PTPRG: variants seen among roughly 807,000 people sequenced by gnomAD.
PTPRG encodes protein tyrosine phosphatase receptor type G.
A neutral mutation model predicts 165.3 loss-of-function variants in PTPRG; 102 were observed. That is an observed-to-expected ratio of 0.62 (90% CI 0.53 to 0.73). PTPRG has a LOEUF of 0.73. Among genes scored for constraint, PTPRG ranks in the 30% least tolerant of loss-of-function variants. The pLI is 0.00. For synonymous variants in PTPRG, 675 were observed against 669.5 expected, an observed-to-expected ratio of 1.01 and a Z score of -0.13; for missense variants, 1,866 against 1,861.4, an observed-to-expected ratio of 1.00 and a Z score of -0.05.
At chr3:61,681,966 A>G (rs969131331) in intron 1 of PTPRG, among the ~76,000 whole-genome samples, 1 of 152,174 alleles carries the variant, frequency 6.6e-6, no homozygotes, top group Middle Eastern at 3.4e-3. Flanking sequence ...CCTGGCCAAC[A>G]TAGTGAAAAC....
intron 1 of PTPRG, among the ~76,000 whole-genome samples, chr3:61,721,179 C>G (rs2032028849): frequency 6.6e-6 from 1 of 152,208 alleles, no homozygotes; most frequent in Non-Finnish European, 1.5e-5. Flanking sequence ...TCACTGGCCA[C>G]TCTCTGGTAC....
At chr3:61,880,328 G>A (rs961269895) in intron 2 of PTPRG, among the ~76,000 whole-genome samples, 25 of 152,154 alleles carry the variant, frequency 1.6e-4, no homozygotes, top group African/African-American at 5.6e-4. Context: ...GCAACGGACC[G>A]GCCGTGCACA....
intron 3 of PTPRG, among the ~76,000 whole-genome samples, chr3:61,991,941 CTG>C (rs1225538616): frequency 2.6e-5 from 4 of 152,230 alleles, no homozygotes; most frequent in Non-Finnish European, 4.4e-5. Flanking sequence ...GATTATCAAT[CTG>C]TGTCACTCTC....
intron 2 of PTPRG, among the ~76,000 whole-genome samples, chr3:61,796,836 C>T (rs2035060112): frequency 1.3e-5 from 2 of 152,196 alleles, no homozygotes; most frequent in Admixed American, 1.3e-4. Flanking sequence ...TCTTCACTCT[C>T]TTTTCTGGCT....
chr3:61,908,444 C>T (rs1341400676), intron 2 of PTPRG, among the ~76,000 whole-genome samples: 4 of 144,288 alleles, frequency 2.8e-5, no homozygotes, highest in East Asian at 2.1e-4. Context: ...ATCAGTTTTT[C>T]AGAAGTGGAA....
At chr3:62,132,404 T>C (rs1412129483) in intron 5 of PTPRG, among the ~76,000 whole-genome samples, 198 bp from the exon 6 acceptor site, 1 of 152,202 alleles carries the variant, frequency 6.6e-6, no homozygotes, top group Non-Finnish European at 1.5e-5. Flanking sequence ...GAAGTTTCTT[T>C]CTTTTGATTT....
chr3:61,737,825 C>G (rs944978696), intron 1 of PTPRG, among the ~76,000 whole-genome samples: 1 of 151,658 alleles, frequency 6.6e-6, no homozygotes, highest in Non-Finnish European at 1.5e-5. Context: ...TATTGTGAAG[C>G]TTACTCATTT....
chr3:61,857,166 C>T (rs1300030106), intron 2 of PTPRG, among the ~76,000 whole-genome samples: 1 of 151,952 alleles, frequency 6.6e-6, no homozygotes, highest in African/African-American at 2.4e-5. Context: ...ACCAATGCCT[C>T]ATCACTCCAG....
At chr3:61,974,354 G>C (rs2040451459) in intron 2 of PTPRG, among the ~76,000 whole-genome samples, 1 of 151,976 alleles carries the variant, frequency 6.6e-6, no homozygotes, top group Non-Finnish European at 1.5e-5. Context: ...AGGAGTTCAA[G>C]ACCAGCCTGG....
chr3:62,139,535 C>A (rs552375458), intron 6 of PTPRG, among the ~76,000 whole-genome samples: 1 of 152,192 alleles, frequency 6.6e-6, no homozygotes, highest in East Asian at 1.9e-4. Flanking sequence ...CAGAGCTAGA[C>A]GGCTGCTCTC....
At chr3:61,920,744 A>T (rs1158481190) in intron 2 of PTPRG, among the ~76,000 whole-genome samples, 1 of 152,180 alleles carries the variant, frequency 6.6e-6, no homozygotes, top group Non-Finnish European at 1.5e-5. Flanking sequence ...AATTGAGAGG[A>T]AGGTACAGAG....
intron 5 of PTPRG, among the ~76,000 whole-genome samples, chr3:62,083,691 C>T (rs1701654758): frequency 6.6e-6 from 1 of 152,094 alleles, no homozygotes; most frequent in Non-Finnish European, 1.5e-5. Context: ...TTAAGTAGTC[C>T]TGTTCTTTTG....
intron 5 of PTPRG, among the ~76,000 whole-genome samples, chr3:62,129,069 A>G (rs1218064475): frequency 6.6e-6 from 1 of 152,122 alleles, no homozygotes; most frequent in Non-Finnish European, 1.5e-5. Context: ...CCCCAGCCAT[A>G]TTAACCACCA....
chr3:61,752,883 C>G (rs1490212612), intron 2 of PTPRG, among the ~76,000 whole-genome samples: 4 of 150,190 alleles, frequency 2.7e-5, no homozygotes, highest in Non-Finnish European at 4.4e-5. Context: ...TCTGGTATAA[C>G]TTTTCACTTC....
At chr3:61,670,634 C>A (rs1227967146) in intron 1 of PTPRG, among the ~76,000 whole-genome samples, 1 of 152,132 alleles carries the variant, frequency 6.6e-6, no homozygotes, top group African/African-American at 2.4e-5. Context: ...GAAATAGAAA[C>A]CTTCTAGAAG....
chr3:62,059,896 C>T (rs957365830), intron 4 of PTPRG, among the ~76,000 whole-genome samples: 1 of 152,114 alleles, frequency 6.6e-6, no homozygotes, highest in Non-Finnish European at 1.5e-5. Context: ...TGAAGAAGGA[C>T]GTGTTTGCTT....
At chr3:61,700,042 G>A (rs1300102027) in intron 1 of PTPRG, among the ~76,000 whole-genome samples, 1 of 152,136 alleles carries the variant, frequency 6.6e-6, no homozygotes, top group East Asian at 1.9e-4. Context: ...TGGCAGTGGT[G>A]AGGGGGTCTG....
chr3:61,837,215 T>G (rs923801189), intron 2 of PTPRG, among the ~76,000 whole-genome samples: 5 of 152,192 alleles, frequency 3.3e-5, no homozygotes, highest in Admixed American at 6.5e-5. Context: ...ACCTGGTTAA[T>G]TTTTGTATTT....
At position 62,177,921 on chromosome 3, in the gene PTPRG, C is replaced by T. The variant is rs567305868; in HGVS notation, c.1033+9758C>T. On this transcript the variant is annotated intron_variant, in intron 8 of 29. Coordinates refer to ENST00000474889, the MANE Select transcript of PTPRG (RefSeq NM_002841.4). The stretch of plus-strand genomic sequence containing the variant: ...TGATTTTTCCCCCTAATATCCAGCT[C>T]TCCCACTACCCCATAAGTTCTGTGA... Among the ~76,000 whole-genome samples the T allele has an allele frequency of 8.5e-5, 13 of 152,268 alleles. No homozygotes were observed. In the East Asian group the frequency reaches 2.3e-3, roughly 27 times the overall value.
Sources: gnomAD v4.1 joint callset for allele counts (sites outside exome capture counted in the v4.1 genomes callset) on GRCh38, gnomAD v4.1.1 for gene constraint, MANE v1.5 for transcripts, NCBI Gene and HGNC (gene_info 2026-07-23, HGNC 2026-07-21) for gene names.